The following SS18 variants were observed in gnomAD, a reference collection of about 807,000 sequenced individuals.
SS18 encodes the protein SS18 subunit of BAF chromatin remodeling complex, also known as protein SSXT.
In SS18, 28 loss-of-function variants were observed where a neutral mutation model predicts 72.5. The ratio of observed to expected loss-of-function variants is 0.39; its 90% CI spans 0.29 to 0.53. The LOEUF (loss-of-function observed/expected upper bound fraction) is 0.53, where lower values mean the gene tolerates loss of function less well. Among genes scored for constraint, SS18 ranks in the 20% least tolerant of loss-of-function variants. The pLI is 0.76. For synonymous variants in SS18, 172 were observed against 164.2 expected, an observed-to-expected ratio of 1.05 and a Z score of -0.37; for missense variants, 518 against 535.3, an observed-to-expected ratio of 0.97 and a Z score of 0.32.
intron 3 of SS18, among the ~76,000 whole-genome samples, chr18:26,062,515 AT>A (rs1200574698): frequency 3.9e-5 from 6 of 152,180 alleles, no homozygotes; most frequent in Non-Finnish European, 5.9e-5. Context: ...TAGAAAAAAA[AT>A]ACCTGCCTTG....
chr18:26,034,671 T>G (rs978104739), intron 9 of SS18, among the ~76,000 whole-genome samples: 19 of 152,046 alleles, frequency 1.2e-4, no homozygotes, highest in Non-Finnish European at 2.6e-4. Flanking sequence ...GCAGATTATA[T>G]ACATATGGTC....
chr18:26,023,675 A>G, intron 10 of SS18: 1 of 524,142 alleles, frequency 1.9e-6, no homozygotes, highest in African/African-American at 1.9e-5. Context: ...AGGCAAAATA[A>G]ACATTTTTTT....
At chr18:26,070,711 C>A (rs1239238440) in intron 3 of SS18, among the ~76,000 whole-genome samples, 3 of 152,116 alleles carry the variant, frequency 2.0e-5, no homozygotes, top group Admixed American at 2.0e-4. Context: ...AATAATTCTT[C>A]TCTTGAGATG....
In SS18 at chr18:26,055,749, CTGTTTTTTTTTTTTT is replaced by C. The variant is rs1281536910; in HGVS notation, c.385+1825_385+1839del. On this transcript the variant is annotated intron_variant, in intron 4 of 10. Coordinates refer to ENST00000415083, the MANE Select transcript of SS18 (RefSeq NM_001007559.3). ...TAACTATTGTTAGGAGAAATTCTTT[CTGTTTTTTTTTTTTT>C]TGTTTTTTTTTTTTGATGGAGTCTC... Among the ~76,000 whole-genome samples, 12 of 145,996 alleles carry C rather than the reference CTGTTTTTTTTTTTTT, an allele frequency of 8.2e-5. 1 individual carries two copies. The highest frequency in any genetic ancestry group is 1.5e-4 in the African/African-American group (6 of 39,274).
intron 7 of SS18, 87 bp from the exon 8 acceptor site, chr18:26,036,010 GA>G: frequency 8.8e-6 from 7 of 791,226 alleles, no homozygotes; most frequent in East Asian, 2.9e-5. Flanking sequence ...AGATAAAATT[GA>G]AAAAAAAGAA....
chr18:26,065,824 T>TATATATATATATATATATATATATA (rs10527527), intron 3 of SS18, among the ~76,000 whole-genome samples: 28 of 136,738 alleles, frequency 2.0e-4, no homozygotes, highest in East Asian at 4.3e-4. Flanking sequence ...TATATATATA[T>TATATATATATATATATATATATATA]GATCATTTTA....
At position 26,035,430 on chromosome 18, in the gene SS18, C is replaced by A; in HGVS notation, c.974-303G>T. ...ACTATGCTAAATAAAATAAAAAAGACAAAATTAAAGACAGCTACAAGAGCA... is the reference window on the plus strand; with the variant it reads ...ACTATGCTAAATAAAATAAAAAAGAAAAAATTAAAGACAGCTACAAGAGCA... On this transcript the variant is annotated intron_variant, in intron 8 of 10. Coordinates refer to ENST00000415083, the MANE Select transcript of SS18 (RefSeq NM_001007559.3). This position sits in a 1 kb window ranked among gnomAD's most constrained non-coding sequence, Gnocchi z 4.4. 6.2e-6 allele frequency: 2 copies of A among 325,198 alleles called. No homozygotes were observed. The highest frequency in any genetic ancestry group is 5.7e-6 in the Non-Finnish European group (1 of 175,832). 20.1% of individuals were successfully genotyped at this position (325,198 alleles called of 1,614,324 possible). A position where few individuals can be genotyped will look rare whatever the true frequency, so the allele number is the denominator to read the frequency against.
intron 3 of SS18, among the ~76,000 whole-genome samples, chr18:26,064,483 A>C (rs904584205): frequency 6.6e-6 from 1 of 152,178 alleles, no homozygotes; most frequent in African/African-American, 2.4e-5. Flanking sequence ...TTTGAAAATT[A>C]ATCAGTGTAA....
chr18:26,050,813 G>T (rs1335343574), intron 5 of SS18, among the ~76,000 whole-genome samples: 1 of 152,116 alleles, frequency 6.6e-6, no homozygotes, highest in Non-Finnish European at 1.5e-5. Flanking sequence ...GGAGGCTGAG[G>T]CAGGAGAATG....
intron 3 of SS18, among the ~76,000 whole-genome samples, chr18:26,063,586 G>A (rs1347787574): frequency 6.6e-6 from 1 of 152,040 alleles, no homozygotes; most frequent in Non-Finnish European, 1.5e-5. Flanking sequence ...AATCACAATG[G>A]AAATTTTAAA....
chr18:26,018,539 C>T (rs2053288903), intron 10 of SS18, among the ~76,000 whole-genome samples, 159 bp from the exon 11 acceptor site: 1 of 152,138 alleles, frequency 6.6e-6, no homozygotes, highest in South Asian at 2.1e-4. Flanking sequence ...CAGTATCACC[C>T]TGTAATTTCT....
chr18:26,018,349 CT>C lies in SS18; in HGVS notation c.*4del. The stretch of plus-strand genomic sequence containing the variant: ...GATACTGGCTACTGGAATGTAAGTA[CT>C]TTTTCACTGCTGGTAATTTCCATAC... On this transcript the variant is annotated 3_prime_UTR_variant, in exon 11 of 11. Transcript: ENST00000415083. 1 of 1,600,884 alleles carries C rather than the reference CT, an allele frequency of 6.2e-7. No individual in the cohort carries two copies. The highest frequency in any genetic ancestry group is 8.6e-7 in the Non-Finnish European group (1 of 1,168,688).
rs114650159 is a variant in SS18 at position 26,037,365 on chromosome 18, T to A, written c.880+1190A>T. ...ATTAAAAATTAAAAAATAGAAACAA[T>A]CATTTATTTTCAGCAGACTTCTTAA... is the stretch of plus-strand genomic sequence containing the variant. On this transcript the variant is annotated intron_variant, in intron 7 of 10. Coordinates refer to ENST00000415083, the MANE Select transcript of SS18 (RefSeq NM_001007559.3). Among the ~76,000 whole-genome samples the A allele has an allele frequency of 6.8e-3, 1,034 of 152,018 alleles. 13 individuals carry two copies. Among genetic ancestry groups the A allele is most frequent in the African/African-American group, 0.024 (980 of 41,478 alleles).
At chr18:26,051,526 G>C (rs2053923922) in intron 5 of SS18, among the ~76,000 whole-genome samples, 1 of 152,108 alleles carries the variant, frequency 6.6e-6, no homozygotes, top group Admixed American at 6.5e-5. Context: ...ATCATTAATG[G>C]AGTTGCTGTC....
intron 2 of SS18, among the ~76,000 whole-genome samples, chr18:26,080,734 CTAA>C (rs2054502754): frequency 1.3e-5 from 2 of 152,122 alleles, no homozygotes; most frequent in Middle Eastern, 3.2e-3. Context: ...CCCAGATTCT[CTAA>C]TGATTAGTAT....
intron 9 of SS18, among the ~76,000 whole-genome samples, chr18:26,034,301 A>G (rs565943751): frequency 6.6e-6 from 1 of 152,326 alleles, no homozygotes; most frequent in South Asian, 2.1e-4. Context: ...ATAAGCAGCT[A>G]CTTTTCTTTC....
intron 10 of SS18, among the ~76,000 whole-genome samples, chr18:26,021,671 G>C (rs1353159912): frequency 1.3e-5 from 2 of 152,108 alleles, no homozygotes; most frequent in Non-Finnish European, 2.9e-5. Context: ...AAATGAATGG[G>C]TTCAAAAGCT....
chr18:26,070,639 T>G (rs535596705), intron 3 of SS18, among the ~76,000 whole-genome samples: 5 of 152,360 alleles, frequency 3.3e-5, no homozygotes, highest in African/African-American at 1.2e-4. Context: ...TTCTTGACTT[T>G]TAGATTCTAG....
At chr18:26,045,978 G>A (rs527254352) in intron 5 of SS18, among the ~76,000 whole-genome samples, 1 of 152,148 alleles carries the variant, frequency 6.6e-6, no homozygotes, top group African/African-American at 2.4e-5. Flanking sequence ...CTTGAGGTCA[G>A]GAGTTCAAGA....
Sources: allele counts gnomAD v4.1 joint callset (sites outside exome capture counted in the v4.1 genomes callset), GRCh38; gene constraint gnomAD v4.1.1; non-coding constraint Gnocchi (gnomAD v3.1); transcripts MANE v1.5; gene names NCBI Gene and HGNC (gene_info 2026-07-23, HGNC 2026-07-21).